RNF144B: variants seen among roughly 807,000 people sequenced by gnomAD.
RNF144B encodes the protein ring finger protein 144B, also known as E3 ubiquitin-protein ligase RNF144B.
In RNF144B, 25 loss-of-function variants were observed where a neutral mutation model predicts 40.2. The ratio of observed to expected loss-of-function variants is 0.62; its 90% confidence interval spans 0.45 to 0.87. RNF144B has a LOEUF of 0.87. RNF144B is among the 40% of genes least tolerant of loss of function. RNF144B has a pLI of 0.00. For synonymous variants in RNF144B, 145 were observed against 136.3 expected (o/e 1.06, Z -0.44); for missense variants, 365 against 373.7 (o/e 0.98, Z 0.19).
rs1795002361 is a variant in RNF144B, at chr6:18,410,010, G to A, written c.165+10311G>A. ...TTGTGAAAAGATAGTTTGGTGATCTGTGCTTGTATGTTGTGTAGACTTTTC... is the reference window on the plus strand; with the variant it reads ...TTGTGAAAAGATAGTTTGGTGATCTATGCTTGTATGTTGTGTAGACTTTTC... On this transcript the variant is annotated intron_variant, in intron 2 of 7. Coordinates refer to ENST00000259939, the MANE Select transcript of RNF144B (RefSeq NM_182757.4). The surrounding 1 kb of genome is among the most constrained non-coding windows in gnomAD (Gnocchi z 4.6). Among the ~76,000 whole-genome samples the A allele has an allele frequency of 6.6e-6, 1 of 152,198 alleles. No homozygotes were observed. Among genetic ancestry groups the A allele is most frequent in the African/African-American group, 2.4e-5 (1 of 41,450 alleles).
chr6:18,463,545 C>T (rs999459061), intron 7 of RNF144B, among the ~76,000 whole-genome samples, 165 bp downstream of exon 7: 2 of 152,060 alleles, frequency 1.3e-5, no homozygotes, highest in Non-Finnish European at 2.9e-5. Context: ...GGGGTAAATA[C>T]CTAAAGTTAA....
chr6:18,466,081 A>C lies in RNF144B; in HGVS notation c.*1014A>C, dbSNP rs975509697. 39 of 152,236 alleles carry C rather than the reference A, an allele frequency of 2.6e-4. No individual in the cohort carries two copies. The highest frequency in any genetic ancestry group is 5.1e-4 in the Non-Finnish European group (35 of 68,050). The allele number at this position is 152,236 out of a possible 1,614,324, so 9.4% of individuals were successfully genotyped here. ...TGCATGGATATACCCAATAGTACAC[A>C]CAAAATAAATGTTTACTTAAGAGCC... On this transcript the variant is annotated 3_prime_UTR_variant, in exon 8 of 8. Coordinates refer to ENST00000259939, the MANE Select transcript of RNF144B (RefSeq NM_182757.4).
chr6:18,434,736 C>G lies in RNF144B; in HGVS notation c.271-4948C>G, dbSNP rs906162422. On this transcript the variant is annotated intron_variant, in intron 3 of 7. Coordinates refer to ENST00000259939, the MANE Select transcript of RNF144B (RefSeq NM_182757.4). The surrounding 1 kb of genome is among the most constrained non-coding windows in gnomAD (Gnocchi z 4.1). ...TCCCAGGTTCATGCCATTCTGCTGC[C>G]TCAGCCTCCTGAGTAGCTGGGACTA... Among the ~76,000 whole-genome samples, 14 of 152,192 alleles carry G rather than the reference C, an allele frequency of 9.2e-5. No homozygotes were observed. The highest frequency in any genetic ancestry group is 8.5e-4 in the Admixed American group (13 of 15,284).
In RNF144B at chr6:18,387,577, G is replaced by A; in HGVS notation, c.-90G>A. On this transcript the variant is annotated 5_prime_UTR_variant, in exon 1 of 8. Coordinates refer to ENST00000259939, the MANE Select transcript of RNF144B (RefSeq NM_182757.4). ...CCAGCAGCCCGGACTGGCGGTGAGCGCGAGGGAGGCTACTGAGAAGCCCGG... is the reference window on the plus strand; with the variant it reads ...CCAGCAGCCCGGACTGGCGGTGAGCACGAGGGAGGCTACTGAGAAGCCCGG... 7.5e-7 allele frequency: 1 copy of A among 1,325,612 alleles called. No homozygotes were observed. The highest frequency in any genetic ancestry group is 9.9e-7 in the Non-Finnish European group (1 of 1,008,454). 82.1% of individuals were successfully genotyped at this position (1,325,612 alleles called of 1,614,324 possible). A position where few individuals can be genotyped will look rare whatever the true frequency, so the allele number is the denominator to read the frequency against.
chr6:18,426,961 A>G (rs1336505896), intron 2 of RNF144B, among the ~76,000 whole-genome samples: 1 of 148,550 alleles, frequency 6.7e-6, no homozygotes, highest in Non-Finnish European at 1.5e-5. Flanking sequence ...CAAGGCCCAT[A>G]TTTTTGAGGT....
chr6:18,457,285 G>C lies in RNF144B; in HGVS notation c.462G>C (p.Ser154=), dbSNP rs758185930. 10 of 1,614,148 alleles carry C rather than the reference G, an allele frequency of 6.2e-6. No homozygotes were observed. The highest frequency in any genetic ancestry group is 8.5e-6 in the Non-Finnish European group (10 of 1,180,010). ...CTTCTTGCCACCTGAAATTCTGCTCGTGTTGCAAGGATGCTTGGCATGCAG... is the reference window on the plus strand; with the variant it reads ...CTTCTTGCCACCTGAAATTCTGCTCCTGTTGCAAGGATGCTTGGCATGCAG... ...ECPSCHLKFC[S]CCKDAWHAEV... is the part of the protein sequence containing the mutation. The change falls in exon 5 of 8, where the codon TCG becomes TCC. Residue 154 remains serine (S), a synonymous_variant. Transcript: ENST00000259939. The surrounding 1 kb of genome is among the most constrained non-coding windows in gnomAD (Gnocchi z 5.1).
rs146218956 is a variant in RNF144B, at chr6:18,406,675, C to T, written c.165+6976C>T. Among the ~76,000 whole-genome samples the T allele has an allele frequency of 7.7e-4, 117 of 152,222 alleles. No individual in the cohort carries two copies. The highest frequency in any genetic ancestry group is 1.5e-3 in the Non-Finnish European group (100 of 68,004). On this transcript the variant is annotated intron_variant, in intron 2 of 7. Coordinates refer to ENST00000259939, the MANE Select transcript of RNF144B (RefSeq NM_182757.4). The surrounding 1 kb of genome is among the most constrained non-coding windows in gnomAD (Gnocchi z 4.2). The stretch of plus-strand genomic sequence containing the variant: ...GAGAAAACTGATGTCCCAGCTCAGG[C>T]AGTCAGGCAGGGAGACGAATTCTTT...
At chr6:18,433,564 G>A (rs1758743670) in intron 3 of RNF144B, among the ~76,000 whole-genome samples, 1 of 152,168 alleles carries the variant, frequency 6.6e-6, no homozygotes, top group Non-Finnish European at 1.5e-5. Context: ...TGAGTGGAGG[G>A]AGAAAAGACG....
chr6:18,447,270 C>T lies in RNF144B; in HGVS notation c.331+7526C>T, dbSNP rs545541985. ...CTTACGGGAAGAACATCATTTCAGG[C>T]AGAGGTAAAGGTACCTACAAAGCCC... On this transcript the variant is annotated intron_variant, in intron 4 of 7. Transcript: ENST00000259939. This position sits in a 1 kb window ranked among gnomAD's most constrained non-coding sequence, Gnocchi z 5.6. Among the ~76,000 whole-genome samples the T allele has an allele frequency of 1.2e-3, 175 of 152,112 alleles. 1 individual carries two copies. The highest frequency in any genetic ancestry group is 6.7e-3 in the South Asian group (32 of 4,810).
In RNF144B at chr6:18,468,029, C is replaced by T. The variant is rs976525721; in HGVS notation, c.*2962C>T. The T allele has an allele frequency of 6.6e-6, 1 of 152,210 alleles. No homozygotes were observed. The highest frequency in any genetic ancestry group is 1.5e-5 in the Non-Finnish European group (1 of 68,066). The allele number at this position is 152,210 out of a possible 1,614,324, so 9.4% of individuals were successfully genotyped here. ...CAGTGACAGAGTTTACCCTTGCCTC[C>T]TTTCTTGGTCTGCCAGCTTTGTCCT... On this transcript the variant is annotated 3_prime_UTR_variant, in exon 8 of 8. Transcript: ENST00000259939.
At chr6:18,388,150 T>C (rs1582391366) in intron 1 of RNF144B, among the ~76,000 whole-genome samples, 1 of 152,328 alleles carries the variant, frequency 6.6e-6, no homozygotes, top group Non-Finnish European at 1.5e-5. Flanking sequence ...GCTGTAAGTC[T>C]ACTCCTCATG....
Position 18,465,394 on chromosome 6 carries a change from A to G in RNF144B, c.*327A>G, listed in dbSNP as rs1194675449. 3.8e-6 allele frequency: 1 copy of G among 260,802 alleles called. No individual in the cohort carries two copies. Among genetic ancestry groups the G allele is most frequent in the East Asian group, 7.7e-5 (1 of 13,002 alleles). The allele number at this position is 260,802 out of a possible 1,614,324, so 16.2% of individuals were successfully genotyped here. A position where few individuals can be genotyped will look rare whatever the true frequency, so the allele number is the denominator to read the frequency against. The stretch of plus-strand genomic sequence containing the variant: ...AGCCAAATTCAAGGAGCTTGCGGGA[A>G]CATTTGATATAACAAATGTGTTGTC... On this transcript the variant is annotated 3_prime_UTR_variant, in exon 8 of 8. Coordinates refer to ENST00000259939, the MANE Select transcript of RNF144B (RefSeq NM_182757.4).
At chr6:18,437,269 T>C (rs2113512050) in intron 3 of RNF144B, among the ~76,000 whole-genome samples, 1 of 152,246 alleles carries the variant, frequency 6.6e-6, no homozygotes, top group African/African-American at 2.4e-5. Flanking sequence ...CGAGACCCCA[T>C]CTTTACAGAA....
chr6:18,454,625 C>G (rs539158219), intron 4 of RNF144B, among the ~76,000 whole-genome samples: 13 of 152,308 alleles, frequency 8.5e-5, no homozygotes, highest in Non-Finnish European at 1.8e-4. Flanking sequence ...AGTGTTTTCT[C>G]TGGCTCAAAC....
Position 18,457,474 on chromosome 6 carries a change from T to G in RNF144B, c.536+115T>G, listed in dbSNP as rs558541070. Reference sequence around the variant, plus strand: ...GGCGTTTAGAGATTGGTTATTTTCCTGCAGAACTTCCCTGAGAAGTGTCTC... The same window carrying G: ...GGCGTTTAGAGATTGGTTATTTTCCGGCAGAACTTCCCTGAGAAGTGTCTC... On this transcript the variant is annotated intron_variant, in intron 5 of 7. Transcript: ENST00000259939. The surrounding 1 kb of genome is among the most constrained non-coding windows in gnomAD (Gnocchi z 5.1). 3.7e-4 allele frequency: 298 copies of G among 804,750 alleles called. 2 individuals carry two copies. The East Asian group carries it at 7.1e-3, about 19-fold the overall frequency. 49.9% of individuals were successfully genotyped at this position (804,750 alleles called of 1,614,324 possible). A position where few individuals can be genotyped will look rare whatever the true frequency, so the allele number is the denominator to read the frequency against.
chr6:18,461,405 A>AT (rs1379927041), intron 6 of RNF144B, among the ~76,000 whole-genome samples: 16 of 151,600 alleles, frequency 1.1e-4, no homozygotes, highest in South Asian at 2.1e-4. Context: ...ATGAAAAACA[A>AT]TTTTTTTTTG....
chr6:18,468,206 A>T lies in RNF144B; in HGVS notation c.*3139A>T, dbSNP rs564198870. ...CACCAAATTGTAACCTGGATGTTAT[A>T]GCCCAGCATCTAGAAATCCTATGAA... On this transcript the variant is annotated 3_prime_UTR_variant, in exon 8 of 8. Coordinates refer to ENST00000259939, the MANE Select transcript of RNF144B (RefSeq NM_182757.4). 2.0e-4 allele frequency: 30 copies of T among 152,268 alleles called. No individual in the cohort carries two copies. The highest frequency in any genetic ancestry group is 3.8e-4 in the Non-Finnish European group (26 of 68,056). 9.4% of individuals were successfully genotyped at this position (152,268 alleles called of 1,614,324 possible).
chr6:18,435,665 A>C (rs1758800203), intron 3 of RNF144B, among the ~76,000 whole-genome samples: 1 of 152,154 alleles, frequency 6.6e-6, no homozygotes, highest in Admixed American at 6.5e-5. Flanking sequence ...CCTTAACCAC[A>C]TTAAAAAGTT....
chr6:18,417,055 A>G (rs1007924257), intron 2 of RNF144B, among the ~76,000 whole-genome samples: 3 of 152,186 alleles, frequency 2.0e-5, no homozygotes, highest in African/African-American at 7.2e-5. Context: ...AAATTTACCA[A>G]AGTAGAAAAT....
Sources: gnomAD v4.1 joint callset for allele counts (sites outside exome capture counted in the v4.1 genomes callset) on GRCh38, gnomAD v4.1.1 for gene constraint, Gnocchi (gnomAD v3.1) non-coding constraint, MANE v1.5 for transcripts, NCBI Gene and HGNC (gene_info 2026-07-23, HGNC 2026-07-21) for gene names.